Variants in TCF4 observed in about 807,000 individuals in gnomAD.
The protein encoded by TCF4 is SL3-3 enhancer factor 2.
A neutral mutation model predicts 82.1 loss-of-function variants in TCF4; 3 were observed. The observed-to-expected ratio is 0.04, with a 90% CI of 0.02 to 0.09. The LOEUF (loss-of-function observed/expected upper bound fraction) is 0.09, where lower values mean the gene tolerates loss of function less well. TCF4 is among the 10% of genes least tolerant of loss of function. The pLI is 1.00. For synonymous variants in TCF4, 276 were observed against 309.6 expected, an observed-to-expected ratio of 0.89 and a Z score of 1.14; for missense variants, 518 against 852.7, an observed-to-expected ratio of 0.61 and a Z score of 4.89.
chr18:55,396,120 G>A (rs542841590), intron 6 of TCF4, among the ~76,000 whole-genome samples: 18 of 152,212 alleles, frequency 1.2e-4, no homozygotes, highest in African/African-American at 3.9e-4. Flanking sequence ...TTCTAGATGA[G>A]AACTAATATG....
intron 6 of TCF4, among the ~76,000 whole-genome samples, chr18:55,369,923 G>A (rs2088466614): frequency 6.6e-6 from 1 of 152,140 alleles, no homozygotes; most frequent in Non-Finnish European, 1.5e-5. Flanking sequence ...TTGTGTGTGT[G>A]TGTGTGTGTG....
At chr18:55,583,441 C>T (rs564737679) in intron 3 of TCF4, among the ~76,000 whole-genome samples, 1 of 152,212 alleles carries the variant, frequency 6.6e-6, no homozygotes, top group South Asian at 2.1e-4. Context: ...ACATATTCAA[C>T]TTATTAAGCC....
intron 3 of TCF4, among the ~76,000 whole-genome samples, chr18:55,479,788 GA>G (rs2096381623): frequency 2.0e-5 from 3 of 152,270 alleles, no homozygotes; most frequent in Admixed American, 1.3e-4. Flanking sequence ...GAAGTTTGGG[GA>G]TTGTTTGTTC....
At chr18:55,581,550 A>G (rs2097574913) in intron 3 of TCF4, among the ~76,000 whole-genome samples, 1 of 152,074 alleles carries the variant, frequency 6.6e-6, no homozygotes, top group Non-Finnish European at 1.5e-5. Flanking sequence ...ACACACACAC[A>G]ATATTAAGCA....
chr18:55,351,939 T>C, intron 6 of TCF4: 2 of 809,332 alleles, frequency 2.5e-6, no homozygotes, highest in Non-Finnish European at 1.5e-6. Context: ...TAAAATTAAG[T>C]ACTAAAAATC....
intron 3 of TCF4, among the ~76,000 whole-genome samples, chr18:55,574,282 A>G (rs2097505905): frequency 6.6e-6 from 1 of 152,236 alleles, no homozygotes; most frequent in South Asian, 2.1e-4. Context: ...TTATATTTGA[A>G]AAGTGTCCTT....
rs143300299 is a variant in TCF4 at position 55,606,001 on chromosome 18, G to A, written c.287-18865C>T. 2.0e-3 allele frequency among the ~76,000 whole-genome samples: 299 copies of A among 152,294 alleles called. 1 individual carries two copies. The highest frequency in any genetic ancestry group is 6.9e-3 in the African/African-American group (285 of 41,556). On this transcript the variant is annotated intron_variant, in intron 2 of 20. Transcript: ENST00000398339. ...CCCATACCTCCTGATCAGAAACTCC[G>A]GGGTGGGCCCAGCAATCTATTTAAC... is the stretch of plus-strand genomic sequence containing the variant.
At chr18:55,584,024 T>C (rs533653350) in intron 3 of TCF4, among the ~76,000 whole-genome samples, 1 of 152,084 alleles carries the variant, frequency 6.6e-6, no homozygotes, top group African/African-American at 2.4e-5. Flanking sequence ...ACCAGAAAAC[T>C]AAAATAAAAA....
At chr18:55,622,503 T>TAAAAAAAA in intron 2 of TCF4, among the ~76,000 whole-genome samples, 1 of 110,572 alleles carries the variant, frequency 9.0e-6, no homozygotes, top group Non-Finnish European at 1.9e-5. Context: ...GACTCAATCT[T>TAAAAAAAA]AAAAAAAAAA....
intron 5 of TCF4, among the ~76,000 whole-genome samples, chr18:55,452,271 G>A (rs1427003920): frequency 6.6e-6 from 1 of 152,136 alleles, no homozygotes; most frequent in African/African-American, 2.4e-5. Flanking sequence ...AAAACTAAAT[G>A]TCTTTTGGCT....
intron 3 of TCF4, among the ~76,000 whole-genome samples, chr18:55,558,818 T>C (rs2097328721): frequency 6.6e-6 from 1 of 152,136 alleles, no homozygotes; most frequent in Admixed American, 6.6e-5. Flanking sequence ...GGCTTTATGC[T>C]AATGATCAAT....
At chr18:55,278,195 T>C (rs2061828040) in intron 9 of TCF4, among the ~76,000 whole-genome samples, 1 of 148,384 alleles carries the variant, frequency 6.7e-6, no homozygotes, top group African/African-American at 2.6e-5. Context: ...ATTTTGAGTG[T>C]GTCCACTATA....
intron 2 of TCF4, among the ~76,000 whole-genome samples, chr18:55,631,051 G>GTTTTT (rs35757922): frequency 7.0e-6 from 1 of 142,302 alleles, no homozygotes; most frequent in Non-Finnish European, 1.5e-5. Flanking sequence ...AGAGCAATGG[G>GTTTTT]TTTTTTTTTT....
chr18:55,613,339 T>C (rs1217315307), intron 2 of TCF4, among the ~76,000 whole-genome samples: 2 of 152,172 alleles, frequency 1.3e-5, no homozygotes, highest in African/African-American at 4.8e-5. Flanking sequence ...GTTGGGATTT[T>C]TTTTGGAATT....
intron 3 of TCF4, among the ~76,000 whole-genome samples, chr18:55,529,967 C>A (rs1369686039): frequency 6.6e-6 from 1 of 152,076 alleles, no homozygotes; most frequent in East Asian, 1.9e-4. Flanking sequence ...AGCACGCAAG[C>A]AGAGACTGCT....
intron 1 of TCF4, among the ~76,000 whole-genome samples, chr18:55,587,623 A>T (rs1013645150): frequency 2.0e-5 from 3 of 148,782 alleles, no homozygotes; most frequent in African/African-American, 7.4e-5. Context: ...CGCACACACC[A>T]CTCCCCTCCG....
At chr18:55,337,033 G>C (rs907012134) in intron 8 of TCF4, among the ~76,000 whole-genome samples, 1 of 152,016 alleles carries the variant, frequency 6.6e-6, no homozygotes, top group Non-Finnish European at 1.5e-5. Flanking sequence ...GAAAAATGAA[G>C]TTTTTTAGAA....
intron 3 of TCF4, among the ~76,000 whole-genome samples, chr18:55,531,579 A>G (rs935748540): frequency 6.6e-6 from 1 of 152,196 alleles, no homozygotes; most frequent in African/African-American, 2.4e-5. Flanking sequence ...GGCTACTACT[A>G]TTTTGTAGAG....
intron 5 of TCF4, among the ~76,000 whole-genome samples, chr18:55,459,768 T>C (rs1267335415): frequency 6.6e-6 from 1 of 152,228 alleles, no homozygotes; most frequent in South Asian, 2.1e-4. Flanking sequence ...CCTGCTTGAG[T>C]TACAATGTTA....
Sources: allele counts gnomAD v4.1 joint callset (sites outside exome capture counted in the v4.1 genomes callset), GRCh38; gene constraint gnomAD v4.1.1; transcripts MANE v1.5; gene names NCBI Gene and HGNC (gene_info 2026-07-23, HGNC 2026-07-21).